The following DACH2 variants were observed in gnomAD, a reference collection of about 807,000 sequenced individuals.
DACH2 encodes the protein dachshund family transcription factor 2.
In DACH2, 17 loss-of-function variants were observed where a neutral mutation model predicts 35.8. That is an observed-to-expected ratio of 0.48 (90% confidence interval 0.33 to 0.71). DACH2 has a LOEUF of 0.71. Among genes scored for constraint, DACH2 ranks in the 30% least tolerant of loss-of-function variants. The pLI is 0.02. For missense variants in DACH2, 469 were observed against 472.7 expected (o/e 0.99, Z 0.07); for synonymous variants, 195 against 177.3 (o/e 1.10, Z -0.79).
At chrX:86,615,360 T>G (rs1480678723) in intron 3 of DACH2, among the ~76,000 whole-genome samples, 1 of 111,777 alleles carries the variant, frequency 8.9e-6, no homozygotes, top group Non-Finnish European at 1.9e-5. Flanking sequence ...AGGCGAGAAC[T>G]AAAGTTCTGA....
intron 3 of DACH2, among the ~76,000 whole-genome samples, chrX:86,532,804 T>TATG (rs1279113042): frequency 3.5e-4 from 39 of 111,281 alleles, no homozygotes; most frequent in Non-Finnish European, 1.1e-4. Context: ...TGTTGAAGTT[T>TATG]ATGATCTCAA....
chrX:86,578,326 G>C (rs1269477222), intron 3 of DACH2, among the ~76,000 whole-genome samples: 1 of 79,396 alleles, frequency 1.3e-5, no homozygotes, highest in Non-Finnish European at 2.2e-5. Context: ...AAGAAAAATA[G>C]GTTTTTTTTT....
intron 1 of DACH2, among the ~76,000 whole-genome samples, chrX:86,224,763 T>G (rs1466834084): frequency 3.6e-5 from 4 of 111,525 alleles, no homozygotes; most frequent in African/African-American, 1.3e-4. Flanking sequence ...TTACACAGCT[T>G]AAGAACAGGA....
chrX:86,778,695 C>CTGCT (rs2042060359), intron 7 of DACH2, among the ~76,000 whole-genome samples: 1 of 111,361 alleles, frequency 9.0e-6, no homozygotes, highest in Middle Eastern at 4.7e-3. Context: ...ACTGCAACCT[C>CTGCT]TGCTGTCTGG....
chrX:86,473,862 C>T (rs1219297603), intron 2 of DACH2, among the ~76,000 whole-genome samples: 2 of 107,735 alleles, frequency 1.9e-5, no homozygotes, highest in Non-Finnish European at 3.9e-5. Context: ...TTACCGATTT[C>T]CTTTCATTTG....
intron 4 of DACH2, among the ~76,000 whole-genome samples, chrX:86,686,594 T>C (rs2040947085): frequency 9.0e-6 from 1 of 111,643 alleles, no homozygotes; most frequent in Non-Finnish European, 1.9e-5. Flanking sequence ...CCAAGATAAA[T>C]ATGACAATTT....
chrX:86,444,613 G>T (rs765083110), intron 2 of DACH2, among the ~76,000 whole-genome samples: 4 of 111,067 alleles, frequency 3.6e-5, no homozygotes, highest in Admixed American at 2.9e-4. Context: ...ATATTTCTGT[G>T]GTATCAGTTG....
intron 2 of DACH2, among the ~76,000 whole-genome samples, chrX:86,477,339 C>CATATATATATAT (rs56255658): frequency 1.3e-3 from 97 of 75,837 alleles, no homozygotes; most frequent in African/African-American, 3.2e-3. Flanking sequence ...GTGTTGAGTG[C>CATATATATATAT]ATATATATAT....
In DACH2 at chrX:86,617,719, T is replaced by C. The variant is rs760078927; in HGVS notation, c.641-33317T>C. Reference sequence around the variant, plus strand: ...AATAAAATTTCAAGTACAAGTACTATAAAATGTGAATTATCAATGCAGAAT... The same window carrying C: ...AATAAAATTTCAAGTACAAGTACTACAAAATGTGAATTATCAATGCAGAAT... On this transcript the variant is annotated intron_variant, in intron 3 of 11. Coordinates refer to ENST00000373125, the MANE Select transcript of DACH2 (RefSeq NM_053281.3). Among the ~76,000 whole-genome samples the C allele has an allele frequency of 4.5e-5, 5 of 112,137 alleles. No individual in the cohort carries two copies. In the East Asian group the frequency reaches 1.1e-3, roughly 25 times the overall value.
intron 5 of DACH2, among the ~76,000 whole-genome samples, chrX:86,701,101 G>A (rs1439431491): frequency 2.7e-5 from 3 of 110,867 alleles, no homozygotes; most frequent in Non-Finnish European, 5.7e-5. Flanking sequence ...AACACAGTTG[G>A]AAAAATCTTC....
At chrX:86,406,492 AG>A (rs1215193996) in intron 2 of DACH2, among the ~76,000 whole-genome samples, 2 of 112,021 alleles carry the variant, frequency 1.8e-5, no homozygotes, top group African/African-American at 6.5e-5. Flanking sequence ...CATGCATTAT[AG>A]CCATTTAACA....
intron 5 of DACH2, among the ~76,000 whole-genome samples, chrX:86,712,946 T>C (rs774022769): frequency 9.0e-6 from 1 of 111,701 alleles, no homozygotes; most frequent in South Asian, 3.7e-4. Flanking sequence ...CCTTATGTAA[T>C]TCTGATAACA....
intron 3 of DACH2, among the ~76,000 whole-genome samples, chrX:86,532,768 G>C (rs1471733056): frequency 2.7e-5 from 3 of 111,007 alleles, no homozygotes; most frequent in South Asian, 7.6e-4. Context: ...TTCATAATAA[G>C]CTCATTCCTT....
At chrX:86,540,040 A>AT (rs1169658981) in intron 3 of DACH2, among the ~76,000 whole-genome samples, 8 of 111,697 alleles carry the variant, frequency 7.2e-5, no homozygotes, top group Non-Finnish European at 1.5e-4. Flanking sequence ...AAAGCAGCTT[A>AT]TTTTTCTCAA....
intron 3 of DACH2, among the ~76,000 whole-genome samples, chrX:86,613,131 C>A (rs1003345806): frequency 6.3e-5 from 7 of 111,797 alleles, no homozygotes; most frequent in Non-Finnish European, 1.1e-4. Flanking sequence ...TTTGCAAGTT[C>A]TTTAATCCTT....
chrX:86,442,879 G>T (rs181137913), intron 2 of DACH2, among the ~76,000 whole-genome samples: 3 of 111,672 alleles, frequency 2.7e-5, no homozygotes, highest in South Asian at 3.7e-4. Context: ...ATGGATTTAT[G>T]TCTGGGCATG....
At chrX:86,292,566 G>A (rs1188521677) in intron 1 of DACH2, among the ~76,000 whole-genome samples, 2 of 110,837 alleles carry the variant, frequency 1.8e-5, no homozygotes, top group African/African-American at 6.6e-5. Flanking sequence ...GGCATTTAGT[G>A]CTATAAATTT....
intron 2 of DACH2, among the ~76,000 whole-genome samples, chrX:86,451,142 G>A (rs1305964184): frequency 5.4e-5 from 6 of 110,979 alleles, no homozygotes; most frequent in South Asian, 3.8e-4. Context: ...ATCTTTGCCC[G>A]TGCCTATGTT....
intron 1 of DACH2, among the ~76,000 whole-genome samples, chrX:86,207,281 T>C (rs1362161546): frequency 8.9e-6 from 1 of 111,772 alleles, no homozygotes; most frequent in Non-Finnish European, 1.9e-5. Context: ...TGTTCTTGTA[T>C]GTCTTAGAAC....
Sources: allele counts gnomAD v4.1 joint callset (sites outside exome capture counted in the v4.1 genomes callset), GRCh38; gene constraint gnomAD v4.1.1; transcripts MANE v1.5; gene names NCBI Gene and HGNC (gene_info 2026-07-23, HGNC 2026-07-21).